The following CLIP2 variants were observed in gnomAD, a reference collection of about 807,000 sequenced individuals.
CLIP2 encodes the protein CAP-Gly domain-containing linker protein 2.
Under a neutral mutation model 111.7 loss-of-function variants are expected in CLIP2, and 41 were observed. The observed-to-expected ratio is 0.37, with a 90% CI of 0.29 to 0.48. The LOEUF is 0.48. Among genes scored for constraint, CLIP2 ranks in the 20% least tolerant of loss-of-function variants. CLIP2 has a pLI of 0.99. For missense variants in CLIP2, 1,160 were observed against 1,422.1 expected (o/e 0.82, Z 2.96); for synonymous variants, 660 against 644.2 (o/e 1.02, Z -0.37).
intron 1 of CLIP2, among the ~76,000 whole-genome samples, chr7:74,302,597 C>G (rs561612088): frequency 3.9e-4 from 59 of 152,222 alleles, no homozygotes; most frequent in Non-Finnish European, 8.2e-4. Context: ...CCTTGCTTGT[C>G]TCCCAGCTGC....
rs914054320 is a variant in CLIP2 at position 74,404,695 on chromosome 7, G to A, written c.*847G>A. 3 of 152,562 alleles carry A rather than the reference G, an allele frequency of 2.0e-5. No homozygotes were observed. Among genetic ancestry groups the A allele is most frequent in the Admixed American group, 6.6e-5 (1 of 15,246 alleles). 9.5% of individuals were successfully genotyped at this position (152,562 alleles called of 1,614,324 possible). On this transcript the variant is annotated 3_prime_UTR_variant, in exon 17 of 17. Transcript: ENST00000223398. ...GAGGCTCTAGGCAGGTTTGACAAAG[G>A]TCAGTAATACGGTTTCCCCTGGGGT...
At chr7:74,386,292 G>T in intron 11 of CLIP2, 1 of 364,102 alleles carries the variant, frequency 2.7e-6, no homozygotes, top group Admixed American at 5.4e-5. Context: ...CGCCGGCCTC[G>T]GCCTCCCAAA....
chr7:74,328,395 G>C (rs1789179080), intron 2 of CLIP2, among the ~76,000 whole-genome samples: 1 of 152,190 alleles, frequency 6.6e-6, no homozygotes, highest in Non-Finnish European at 1.5e-5. Flanking sequence ...CCAGGAAGCG[G>C]GAGTCAGGTG....
At chr7:74,365,409 C>T (rs901661565) in intron 8 of CLIP2, among the ~76,000 whole-genome samples, 1 of 152,170 alleles carries the variant, frequency 6.6e-6, no homozygotes, top group Non-Finnish European at 1.5e-5. Context: ...GGTCTCCTTC[C>T]GATCTGTGTC....
At chr7:74,386,685 G>T in intron 12 of CLIP2, 81 bp downstream of exon 12, 1 of 1,165,348 alleles carries the variant, frequency 8.6e-7, no homozygotes. Flanking sequence ...GCATGGAGTG[G>T]GTCAGGGCCT....
chr7:74,357,755 C>A (rs1038984358), intron 6 of CLIP2, among the ~76,000 whole-genome samples: 8 of 150,820 alleles, frequency 5.3e-5, no homozygotes, highest in African/African-American at 1.9e-4. Flanking sequence ...TATTATTTTT[C>A]TTTCTTTCTT....
At position 74,386,619 on chromosome 7, in the gene CLIP2, C is replaced by T. The variant is rs781914867; in HGVS notation, c.2563+15C>T. On this transcript the variant is annotated intron_variant, in intron 12 of 16. Coordinates refer to ENST00000223398, the MANE Select transcript of CLIP2 (RefSeq NM_003388.5). ...CCAAGTAAGTGGTAAGTCTCCCTCC[C>T]GCAGGGCAGATGCGGGGGGCTTTCA... 2.8e-5 allele frequency: 45 copies of T among 1,589,712 alleles called. No homozygotes were observed. The highest frequency in any genetic ancestry group is 3.6e-5 in the Admixed American group (2 of 55,560).
intron 10 of CLIP2, among the ~76,000 whole-genome samples, chr7:74,378,328 A>G (rs898092706): frequency 1.3e-5 from 2 of 150,568 alleles, no homozygotes; most frequent in Non-Finnish European, 3.0e-5. Flanking sequence ...GGGTTTCCTC[A>G]TGTTGCCCAG....
At chr7:74,306,670 A>G (rs1554727805) in intron 1 of CLIP2, among the ~76,000 whole-genome samples, 1 of 152,144 alleles carries the variant, frequency 6.6e-6, no homozygotes, top group East Asian at 1.9e-4. Flanking sequence ...AGGGTGGCAC[A>G]AAAGGGGGAC....
intron 3 of CLIP2, among the ~76,000 whole-genome samples, chr7:74,348,992 A>T (rs968150970): frequency 1.3e-5 from 2 of 151,752 alleles, no homozygotes; most frequent in African/African-American, 2.4e-5. Context: ...ACAAGAAAAA[A>T]TTTAAAAAAA....
At chr7:74,324,407 C>T (rs946389022) in intron 2 of CLIP2, among the ~76,000 whole-genome samples, 4 of 152,198 alleles carry the variant, frequency 2.6e-5, no homozygotes, top group East Asian at 3.8e-4. Flanking sequence ...TGAATGGTTC[C>T]CTGGAGGGAA....
intron 2 of CLIP2, among the ~76,000 whole-genome samples, chr7:74,330,404 G>A (rs1183479410): frequency 6.6e-6 from 1 of 151,624 alleles, no homozygotes; most frequent in African/African-American, 2.4e-5. Context: ...TTACAGGTAT[G>A]CGCCACCATG....
chr7:74,319,023 A>C (rs1788872061), intron 2 of CLIP2, among the ~76,000 whole-genome samples: 1 of 152,198 alleles, frequency 6.6e-6, no homozygotes, highest in African/African-American at 2.4e-5. Flanking sequence ...GCCCGTCGGC[A>C]GAAGCCCATG....
rs538881788 is a variant in CLIP2, at chr7:74,399,377, A to G, written c.2881-993A>G. On this transcript the variant is annotated intron_variant, in intron 14 of 16. Transcript: ENST00000223398. The stretch of plus-strand genomic sequence containing the variant: ...TCATAACAAGACCGCATCTCTACAA[A>G]AAAAGTTAAAAATTAGCCAAGTGTG... 2.6e-5 allele frequency among the ~76,000 whole-genome samples: 4 copies of G among 152,198 alleles called. No homozygotes were observed. The East Asian group carries it at 7.8e-4, about 30-fold the overall frequency.
In CLIP2 at chr7:74,405,855, A is replaced by ACCCCT. The variant is rs371327159; in HGVS notation, c.*2017_*2021dup. On this transcript the variant is annotated 3_prime_UTR_variant, in exon 17 of 17. Transcript: ENST00000223398. ...TGTCCCCTCCCCAGGTCCTTCATTC[A>ACCCCT]CCCCTCCCCTCCCCACAGTGGAATT... 1.3e-3 allele frequency: 197 copies of ACCCCT among 150,364 alleles called. 1 individual carries two copies. Among genetic ancestry groups the ACCCCT allele is most frequent in the African/African-American group, 4.7e-3 (192 of 40,710 alleles). The allele number at this position is 150,364 out of a possible 1,614,324, so 9.3% of individuals were successfully genotyped here.
intron 3 of CLIP2, among the ~76,000 whole-genome samples, chr7:74,353,311 C>T (rs59408711): frequency 2.7e-5 from 4 of 150,554 alleles, no homozygotes; most frequent in African/African-American, 7.3e-5. Flanking sequence ...AGTGCACTGG[C>T]GCAATCTCGG....
intron 1 of CLIP2, among the ~76,000 whole-genome samples, chr7:74,307,176 T>C (rs1372611766): frequency 1.3e-5 from 2 of 152,208 alleles, no homozygotes; most frequent in African/African-American, 4.8e-5. Context: ...CGGGCCTGAC[T>C]GAATGCCGCC....
At position 74,400,475 on chromosome 7, in the gene CLIP2, G is replaced by A. The variant is rs868908103; in HGVS notation, c.2986G>A (p.Ala996Thr). 1.4e-5 allele frequency: 23 copies of A among 1,613,892 alleles called. No individual in the cohort carries two copies. The highest frequency in any genetic ancestry group is 3.3e-5 in the Admixed American group (2 of 59,976). ...LQHQLMSTED[A>T]LRDALDQAQQ... The stretch of plus-strand genomic sequence containing the variant: ...GCACCAGCTGATGAGCACGGAGGAC[G>A]CCCTGCGGGATGCGCTGGACCAGGC... Residue 996 changes from alanine (A) to threonine (T), a missense_variant, in exon 15 of 17, where the codon GCC becomes ACC. Transcript: ENST00000223398.
intron 11 of CLIP2, among the ~76,000 whole-genome samples, chr7:74,382,153 A>T (rs1790961790): frequency 6.6e-6 from 1 of 151,862 alleles, no homozygotes; most frequent in Non-Finnish European, 1.5e-5. Flanking sequence ...ATGCGATCTC[A>T]GTTCACTGCA....
Sources: gnomAD v4.1 joint callset for allele counts (sites outside exome capture counted in the v4.1 genomes callset) on GRCh38, gnomAD v4.1.1 for gene constraint, MANE v1.5 for transcripts, NCBI Gene and HGNC (gene_info 2026-07-23, HGNC 2026-07-21) for gene names.